The following EML1 variants were observed in gnomAD, a reference collection of about 807,000 sequenced individuals.
The protein encoded by EML1 is EMAP like 1, also known as echinoderm microtubule-associated protein-like 1.
EML1 carries 27 observed loss-of-function variants against 110.4 expected under a neutral mutation model. That is an observed-to-expected ratio of 0.24 (90% CI 0.18 to 0.34). The LOEUF (loss-of-function observed/expected upper bound fraction) is 0.34. EML1 is among the 10% of genes least tolerant of loss of function. The pLI, the probability that EML1 is intolerant of heterozygous loss-of-function variation, is 1.00. For synonymous variants in EML1, 344 were observed against 385.8 expected (o/e 0.89, Z 1.27); for missense variants, 741 against 1,030.9 (o/e 0.72, Z 3.85).
chr14:99,873,427 A>G (rs2059237555), intron 3 of EML1, among the ~76,000 whole-genome samples: 1 of 152,228 alleles, frequency 6.6e-6, no homozygotes, highest in African/African-American at 2.4e-5. Context: ...GAAAGCCAAA[A>G]TCTGGCTTCA....
At chr14:99,774,771 T>A (rs2057464093) in intron 1 of EML1, among the ~76,000 whole-genome samples, 1 of 152,050 alleles carries the variant, frequency 6.6e-6, no homozygotes, top group South Asian at 2.1e-4. Flanking sequence ...TGTGAAGCCT[T>A]GAGTAGGGGA....
Position 99,827,670 on chromosome 14 carries a change from C to T in EML1, c.68-23183C>T, listed in dbSNP as rs1253204805. Among the ~76,000 whole-genome samples the T allele has an allele frequency of 6.7e-6, 1 of 149,206 alleles. No homozygotes were observed. The highest frequency in any genetic ancestry group is 2.5e-5 in the African/African-American group (1 of 40,634). Reference sequence around the variant, plus strand: ...ATAAGACTTAGACACATAGAGGGGGCAACCACCTGAAAGGGAGAAGACGGC... The same window carrying T: ...ATAAGACTTAGACACATAGAGGGGGTAACCACCTGAAAGGGAGAAGACGGC... On this transcript the variant is annotated intron_variant, in intron 1 of 21. Coordinates refer to ENST00000262233, the MANE Select transcript of EML1 (RefSeq NM_004434.3). This position sits in a 1 kb window ranked among gnomAD's most constrained non-coding sequence, Gnocchi z 4.4.
chr14:99,798,428 T>G (rs1374735651), intron 1 of EML1, among the ~76,000 whole-genome samples: 5 of 150,258 alleles, frequency 3.3e-5, no homozygotes, highest in African/African-American at 1.2e-4. Context: ...AGTCTCACTC[T>G]GTCGCCCAGG....
intron 1 of EML1, chr14:99,809,576 C>T (rs2058039695): frequency 2.2e-6 from 1 of 453,812 alleles, no homozygotes; most frequent in Non-Finnish European, 4.4e-6. Context: ...CCATCCCAGC[C>T]CTGGGTGTAT....
intron 1 of EML1, among the ~76,000 whole-genome samples, chr14:99,758,657 C>T (rs555463283): frequency 1.3e-5 from 2 of 152,330 alleles, no homozygotes; most frequent in African/African-American, 4.8e-5. Context: ...GGCGAAGAAA[C>T]TGGCCTTGGA....
At chr14:99,856,263 A>G (rs138822186) in intron 2 of EML1, among the ~76,000 whole-genome samples, 5 of 152,352 alleles carry the variant, frequency 3.3e-5, no homozygotes, top group Admixed American at 2.0e-4. Context: ...GTATTCCATA[A>G]GTTAGCATTA....
At chr14:99,931,397 A>G (rs750379797) in intron 17 of EML1, among the ~76,000 whole-genome samples, 5 of 152,134 alleles carry the variant, frequency 3.3e-5, no homozygotes, top group Non-Finnish European at 7.4e-5. Flanking sequence ...GTCTAATTGA[A>G]CCCTCTGCTG....
chr14:99,743,416 C>T (rs924715422), intron 1 of EML1, among the ~76,000 whole-genome samples: 3 of 152,220 alleles, frequency 2.0e-5, no homozygotes, highest in Non-Finnish European at 4.4e-5. Flanking sequence ...CACCCCAGAC[C>T]ACTGCCCTTC....
At chr14:99,902,126 G>A (rs1474060859) in intron 9 of EML1, among the ~76,000 whole-genome samples, 2 of 152,180 alleles carry the variant, frequency 1.3e-5, no homozygotes, top group Admixed American at 6.5e-5. Context: ...AGATTATTAA[G>A]TGTTCAACTT....
At chr14:99,801,546 C>CAG (rs1353545618) in intron 1 of EML1, among the ~76,000 whole-genome samples, 5 of 151,478 alleles carry the variant, frequency 3.3e-5, no homozygotes, top group African/African-American at 1.2e-4. Context: ...ACCCGGGAGG[C>CAG]AGAGCTTGCA....
chr14:99,790,852 CT>C (rs2057658238), upstream of EML1, among the ~76,000 whole-genome samples: 1 of 126,184 alleles, frequency 7.9e-6, no homozygotes, highest in African/African-American at 3.2e-5. Context: ...CCAAAGTTTT[CT>C]TTTTTTCTTT....
chr14:99,914,090 A>T, intron 13 of EML1, 89 bp from the exon 14 acceptor site: 8 of 1,498,736 alleles, frequency 5.3e-6, no homozygotes, highest in Non-Finnish European at 7.3e-6. Context: ...TGTTATAGGG[A>T]CTATCATTAT....
upstream of EML1, among the ~76,000 whole-genome samples, chr14:99,789,505 G>A (rs1030959871): frequency 2.6e-4 from 39 of 152,138 alleles, no homozygotes; most frequent in African/African-American, 9.2e-4. Flanking sequence ...CACCATGCCT[G>A]GCCTCTATTT....
intron 1 of EML1, chr14:99,809,831 G>T (rs952591275): frequency 4.6e-6 from 2 of 436,482 alleles, no homozygotes; most frequent in Non-Finnish European, 9.2e-6. Context: ...AGGTATTTTT[G>T]AATGTGACTA....
chr14:99,873,710 A>T (rs140169113), intron 3 of EML1, among the ~76,000 whole-genome samples: 6 of 152,366 alleles, frequency 3.9e-5, no homozygotes, highest in African/African-American at 1.4e-4. Flanking sequence ...GCCTTCCTGA[A>T]AAATGACTTG....
intron 4 of EML1, among the ~76,000 whole-genome samples, chr14:99,890,713 C>T (rs566914437): frequency 1.1e-4 from 17 of 152,160 alleles, no homozygotes; most frequent in African/African-American, 3.6e-4. Context: ...GTGTTCCCCG[C>T]TTCTCTTTCT....
intron 1 of EML1, among the ~76,000 whole-genome samples, chr14:99,848,974 A>G (rs1039530215): frequency 6.9e-6 from 1 of 145,560 alleles, no homozygotes; most frequent in Non-Finnish European, 1.5e-5. Context: ...AAAAAAAAAA[A>G]TAATAAAACT....
chr14:99,915,848 A>G (rs545329223), intron 15 of EML1, among the ~76,000 whole-genome samples: 1 of 152,144 alleles, frequency 6.6e-6, no homozygotes, highest in African/African-American at 2.4e-5. Context: ...CCAACACATC[A>G]TCCTTTCATC....
At chr14:99,926,930 A>G (rs913779932) in intron 17 of EML1, among the ~76,000 whole-genome samples, 7 of 152,136 alleles carry the variant, frequency 4.6e-5, no homozygotes, top group African/African-American at 1.7e-4. Flanking sequence ...TTTTTAGTAG[A>G]GATGAGGTTT....
Sources: allele counts gnomAD v4.1 joint callset (sites outside exome capture counted in the v4.1 genomes callset), GRCh38; gene constraint gnomAD v4.1.1; non-coding constraint Gnocchi (gnomAD v3.1); transcripts MANE v1.5; gene names NCBI Gene and HGNC (gene_info 2026-07-23, HGNC 2026-07-21).